The following EFHC1 variants were observed in gnomAD, a reference collection of about 807,000 sequenced individuals.
EFHC1 encodes the protein EF-hand domain-containing protein 1.
Under a neutral mutation model 69.9 loss-of-function variants are expected in EFHC1, and 53 were observed. The observed-to-expected ratio is 0.76, with a 90% confidence interval of 0.61 to 0.95. The LOEUF (loss-of-function observed/expected upper bound fraction) is 0.95. Among genes scored for constraint, EFHC1 ranks in the 40% least tolerant of loss-of-function variants. EFHC1 has a pLI of 0.00. For synonymous variants in EFHC1, 256 were observed against 278.4 expected, an observed-to-expected ratio of 0.92 and a Z score of 0.80; for missense variants, 739 against 798.7, an observed-to-expected ratio of 0.93 and a Z score of 0.90.
intron 3 of EFHC1, among the ~76,000 whole-genome samples, chr6:52,452,282 A>C (rs1764931780): frequency 1.3e-5 from 2 of 152,150 alleles, no homozygotes; most frequent in African/African-American, 4.8e-5. Context: ...ATGGCATAGA[A>C]ATCATTATTA....
intron 2 of EFHC1, among the ~76,000 whole-genome samples, chr6:52,436,029 CT>C (rs1764525002): frequency 6.6e-6 from 1 of 152,144 alleles, no homozygotes; most frequent in Non-Finnish European, 1.5e-5. Context: ...TCTCAGTTTC[CT>C]CCTTTATAAA....
chr6:52,478,126 G>T (rs1765583539), intron 7 of EFHC1, among the ~76,000 whole-genome samples: 2 of 152,104 alleles, frequency 1.3e-5, no homozygotes, highest in African/African-American at 4.8e-5. Context: ...TCCTTTGTAG[G>T]GACATGGATG....
intron 5 of EFHC1, among the ~76,000 whole-genome samples, chr6:52,459,798 C>T (rs1172684318): frequency 1.3e-5 from 2 of 152,140 alleles, no homozygotes; most frequent in East Asian, 3.8e-4. Flanking sequence ...CCTCAGCCTC[C>T]CGAGTAGCTG....
chr6:52,459,832 G>T (rs992202755), intron 5 of EFHC1, among the ~76,000 whole-genome samples: 6 of 152,056 alleles, frequency 3.9e-5, no homozygotes, highest in Non-Finnish European at 8.8e-5. Context: ...CTGCCACTAC[G>T]CCCGGCTAAT....
At chr6:52,474,153 G>A (rs1268324088) in intron 7 of EFHC1, among the ~76,000 whole-genome samples, 1 of 152,070 alleles carries the variant, frequency 6.6e-6, no homozygotes, top group Non-Finnish European at 1.5e-5. Context: ...TCGCTACAAA[G>A]ATAAAAAAAT....
intron 9 of EFHC1, chr6:52,481,504 ATCTCTCTC>A (rs60540358): frequency 0.14 from 20,026 of 143,514 alleles, 1,658 homozygotes; most frequent in East Asian, 0.45. Context: ...AGACTGCATG[ATCTCTCTC>A]TCTCTCTCTC....
intron 7 of EFHC1, among the ~76,000 whole-genome samples, chr6:52,473,509 G>A (rs578243187): frequency 2.0e-4 from 30 of 152,266 alleles, no homozygotes; most frequent in African/African-American, 7.2e-4. Context: ...GACCGGGCAC[G>A]GTGGTTCATG....
At chr6:52,450,409 A>G (rs1764888677) in intron 3 of EFHC1, among the ~76,000 whole-genome samples, 1 of 152,226 alleles carries the variant, frequency 6.6e-6, no homozygotes, top group Non-Finnish European at 1.5e-5. Flanking sequence ...GAAGTTTTAA[A>G]GTCTCCCACT....
intron 1 of EFHC1, chr6:52,420,992 C>T: frequency 1.2e-5 from 12 of 1,031,078 alleles, no homozygotes; most frequent in Non-Finnish European, 1.4e-5. Context: ...GAATCCTGTA[C>T]CCGGTAGTAT....
At chr6:52,420,964 C>T (rs560384317) in intron 1 of EFHC1, 1 of 1,039,354 alleles carries the variant, frequency 9.6e-7, no homozygotes, top group African/African-American at 1.7e-5. Context: ...TCATTCCCGC[C>T]CCACCTCTTC....
chr6:52,453,682 C>T (rs561584145), intron 4 of EFHC1: 16 of 1,251,336 alleles, frequency 1.3e-5, no homozygotes, highest in Non-Finnish European at 1.6e-5. Flanking sequence ...GTTGATGGGA[C>T]CAAAAAAAGA....
At position 52,466,960 on chromosome 6, in the gene EFHC1, G is replaced by A. The variant is rs192278240; in HGVS notation, c.1137+1845G>A. Among the ~76,000 whole-genome samples, 830 of 152,228 alleles carry A rather than the reference G, an allele frequency of 5.5e-3. 7 individuals carry two copies. Among genetic ancestry groups the A allele is most frequent in the Non-Finnish European group, 8.0e-3 (544 of 68,024 alleles). On this transcript the variant is annotated intron_variant, in intron 6 of 10. Coordinates refer to ENST00000371068, the MANE Select transcript of EFHC1 (RefSeq NM_018100.4). ...AAACCCTCTCCTGGTGTAATGCATT[G>A]TGAAAAGAAAAAGAATTATGATAAA...
intron 5 of EFHC1, among the ~76,000 whole-genome samples, chr6:52,455,775 A>G (rs567735149): frequency 6.6e-6 from 1 of 152,354 alleles, no homozygotes; most frequent in South Asian, 2.1e-4. Flanking sequence ...CTTCACTTGC[A>G]CAGTGCTTTT....
At chr6:52,484,430 A>G (rs1283225008) in intron 9 of EFHC1, 1 of 152,244 alleles carries the variant, frequency 6.6e-6, no homozygotes, top group Non-Finnish European at 1.5e-5. Flanking sequence ...GTTTTTACAA[A>G]CAAAAAAAAT....
chr6:52,428,378 G>A (rs904728934), intron 2 of EFHC1: 1 of 151,386 alleles, frequency 6.6e-6, no homozygotes, highest in Non-Finnish European at 1.5e-5. Flanking sequence ...AGTTCATTGT[G>A]TCATTCTTAT....
intron 2 of EFHC1, among the ~76,000 whole-genome samples, chr6:52,429,263 T>C (rs944851075): frequency 6.6e-6 from 1 of 152,234 alleles, no homozygotes; most frequent in African/African-American, 2.4e-5. Context: ...ATGAAACCCT[T>C]GCCTAAGCCA....
At position 52,494,916 on chromosome 6, in the gene EFHC1, T is replaced by C. The variant is rs527479609; in HGVS notation, c.*2575T>C. ...TGCGTAGTATTCCATGGTGTAGATA[T>C]ACTTCATTTAAAAAATCTAATCCAC... On this transcript the variant is annotated 3_prime_UTR_variant, in exon 11 of 11. Transcript: ENST00000371068. The C allele has an allele frequency of 4.0e-5, 18 of 452,096 alleles. 1 individual carries two copies. Among genetic ancestry groups the C allele is most frequent in the South Asian group, 2.8e-4 (18 of 64,338 alleles). The allele number at this position is 452,096 out of a possible 1,614,324, so 28.0% of individuals were successfully genotyped here. A position where few individuals can be genotyped will look rare whatever the true frequency, so the allele number is the denominator to read the frequency against.
intron 3 of EFHC1, among the ~76,000 whole-genome samples, chr6:52,447,834 C>T (rs1764820983): frequency 6.6e-6 from 1 of 152,180 alleles, no homozygotes; most frequent in African/African-American, 2.4e-5. Context: ...TGCTGGAGGT[C>T]CACTTCAGAC....
At chr6:52,430,758 T>G (rs1056105207) in intron 2 of EFHC1, among the ~76,000 whole-genome samples, 11 of 152,106 alleles carry the variant, frequency 7.2e-5, no homozygotes, top group African/African-American at 2.7e-4. Context: ...TTTCTCTATC[T>G]TGTAGAATAG....
Sources: gnomAD v4.1 joint callset for allele counts (sites outside exome capture counted in the v4.1 genomes callset) on GRCh38, gnomAD v4.1.1 for gene constraint, MANE v1.5 for transcripts, NCBI Gene and HGNC (gene_info 2026-07-23, HGNC 2026-07-21) for gene names.